The following SLC7A11 variants were observed in gnomAD, a reference collection of about 807,000 sequenced individuals.
SLC7A11 encodes the protein solute carrier family 7 member 11, also known as cystine/glutamate transporter.
In SLC7A11, 35 loss-of-function variants were observed where a neutral mutation model predicts 54.5. The observed-to-expected ratio is 0.64, with a 90% confidence interval of 0.49 to 0.85. The LOEUF (loss-of-function observed/expected upper bound fraction) is 0.85, where lower values mean the gene tolerates loss of function less well. SLC7A11 is among the 40% of genes least tolerant of loss of function. SLC7A11 has a pLI of 0.00. For synonymous variants in SLC7A11, 230 were observed against 225.2 expected (o/e 1.02, Z -0.19); for missense variants, 583 against 618.1 (o/e 0.94, Z 0.60).
At chr4:138,196,412 A>G (rs975963340) in intron 6 of SLC7A11, among the ~76,000 whole-genome samples, 1 of 152,180 alleles carries the variant, frequency 6.6e-6, no homozygotes, top group African/African-American at 2.4e-5. Context: ...AACACTTGGA[A>G]GGGAAAGGAG....
At chr4:138,194,211 C>G (rs1402914080) in intron 6 of SLC7A11, among the ~76,000 whole-genome samples, 1 of 152,104 alleles carries the variant, frequency 6.6e-6, no homozygotes, top group African/African-American at 2.4e-5. Context: ...CTGGTTGGAA[C>G]AGTTGACAGT....
chr4:138,198,076 T>C (rs1737183869), intron 6 of SLC7A11, among the ~76,000 whole-genome samples: 1 of 151,092 alleles, frequency 6.6e-6, no homozygotes, highest in Non-Finnish European at 1.5e-5. Context: ...AGAGCCTATA[T>C]TATATCAGGT....
intron 2 of SLC7A11, among the ~76,000 whole-genome samples, chr4:138,233,460 A>AC (rs1204586215): frequency 6.6e-6 from 1 of 152,148 alleles, no homozygotes; most frequent in Non-Finnish European, 1.5e-5. Context: ...CTGGGATTAC[A>AC]GGCGTGAGCC....
intron 6 of SLC7A11, among the ~76,000 whole-genome samples, chr4:138,198,005 A>G (rs530123264): frequency 1.3e-5 from 2 of 150,864 alleles, no homozygotes; most frequent in South Asian, 4.1e-4. Flanking sequence ...AGTATCATAA[A>G]CTAAGGAGTA....
At chr4:138,180,522 C>G in intron 10 of SLC7A11, 119 bp downstream of exon 10, 1 of 990,220 alleles carries the variant, frequency 1.0e-6, no homozygotes, top group Non-Finnish European at 1.5e-6. Context: ...AAGAGTTAAA[C>G]ATTTTTATTC....
At chr4:138,209,388 TA>T (rs1737486774) in intron 6 of SLC7A11, among the ~76,000 whole-genome samples, 3 of 152,016 alleles carry the variant, frequency 2.0e-5, no homozygotes, top group Admixed American at 2.0e-4. Context: ...TTCTCCCTTG[TA>T]ACTAAAGGTA....
rs182142177 is a variant in SLC7A11 at position 138,201,319 on chromosome 4, C to T, written c.791+13266G>A. Among the ~76,000 whole-genome samples the T allele has an allele frequency of 4.1e-3, 624 of 152,028 alleles. 6 individuals are homozygous for T. The highest frequency in any genetic ancestry group is 0.01 in the Admixed American group (156 of 15,228). ...GCATTCTCAATAATATGTATCAGTACGGGTTATTGTTTAAGCTTTTGTCAC... is the reference window on the plus strand; with the variant it reads ...GCATTCTCAATAATATGTATCAGTATGGGTTATTGTTTAAGCTTTTGTCAC... On this transcript the variant is annotated intron_variant, in intron 6 of 11. Coordinates refer to ENST00000280612, the MANE Select transcript of SLC7A11 (RefSeq NM_014331.4).
In SLC7A11 at chr4:138,232,286, G is replaced by A; in HGVS notation, c.501C>T (p.Leu167=). The change falls in exon 3 of 12, where the codon CTC becomes CTT. Residue 167 remains leucine (L), a synonymous_variant. Coordinates refer to ENST00000280612, the MANE Select transcript of SLC7A11 (RefSeq NM_014331.4). ...ACTCACTTATGCCCACAGCTGTAAT[G>A]AGCTTGATCGCAAGTTCAGGGATTT... The part of the protein sequence containing the change: ...QCEIPELAIK[L]ITAVGITVVM... 1 of 1,608,782 alleles carries A rather than the reference G, an allele frequency of 6.2e-7. No individual in the cohort carries two copies.
At chr4:138,173,348 T>G (rs543106123) in intron 11 of SLC7A11, among the ~76,000 whole-genome samples, 1 of 152,048 alleles carries the variant, frequency 6.6e-6, no homozygotes, top group Non-Finnish European at 1.5e-5. Flanking sequence ...AAGGTATTTT[T>G]TTCAGGCCGG....
intron 11 of SLC7A11, among the ~76,000 whole-genome samples, chr4:138,178,834 C>T (rs1736647225): frequency 6.6e-6 from 1 of 152,076 alleles, no homozygotes; most frequent in Non-Finnish European, 1.5e-5. Context: ...AACTCCCCAA[C>T]AAATCTCGTG....
At chr4:138,174,137 C>T (rs988277343) in intron 11 of SLC7A11, among the ~76,000 whole-genome samples, 1 of 152,162 alleles carries the variant, frequency 6.6e-6, no homozygotes, top group Non-Finnish European at 1.5e-5. Context: ...CATGACTGCC[C>T]TCCACACCCA....
intron 6 of SLC7A11, among the ~76,000 whole-genome samples, chr4:138,202,514 A>G (rs2148428799): frequency 6.6e-6 from 1 of 152,230 alleles, no homozygotes; most frequent in Non-Finnish European, 1.5e-5. Flanking sequence ...AAATGGCCAT[A>G]GCATCCCTTT....
rs566004104 is a variant in SLC7A11, at chr4:138,166,842, C to T, written c.*5114G>A. On this transcript the variant is annotated 3_prime_UTR_variant, in exon 12 of 12. Coordinates refer to ENST00000280612, the MANE Select transcript of SLC7A11 (RefSeq NM_014331.4). ...AAAATAAAACTAATGGGTAGATTCA[C>T]ACTAAGAAAATCTAGGTAATTATAT... is the stretch of plus-strand genomic sequence containing the variant. 6.6e-6 allele frequency: 1 copy of T among 152,218 alleles called. No homozygotes were observed. The highest frequency in any genetic ancestry group is 2.1e-4 in the South Asian group (1 of 4,818). The allele number at this position is 152,218 out of a possible 1,614,324, so 9.4% of individuals were successfully genotyped here. A position where few individuals can be genotyped will look rare whatever the true frequency, so the allele number is the denominator to read the frequency against.
At chr4:138,184,273 G>A (rs942272770) in intron 7 of SLC7A11, among the ~76,000 whole-genome samples, 1 of 152,132 alleles carries the variant, frequency 6.6e-6, no homozygotes, top group African/African-American at 2.4e-5. Context: ...CAAATGAAAT[G>A]AGATAATTTA....
At chr4:138,212,164 C>T (rs976739815) in intron 6 of SLC7A11, among the ~76,000 whole-genome samples, 2 of 151,614 alleles carry the variant, frequency 1.3e-5, no homozygotes, top group African/African-American at 4.8e-5. Context: ...ATCAAGAATG[C>T]ATAATAGAGA....
rs573535926 is a variant in SLC7A11, at chr4:138,170,946, C to T, written c.*1010G>A. 6 of 152,126 alleles carry T rather than the reference C, an allele frequency of 3.9e-5. 1 individual carries two copies. The South Asian group carries it at 6.2e-4, about 16-fold the overall frequency. The allele number at this position is 152,126 out of a possible 1,614,324, so 9.4% of individuals were successfully genotyped here. A position where few individuals can be genotyped will look rare whatever the true frequency, so the allele number is the denominator to read the frequency against. On this transcript the variant is annotated 3_prime_UTR_variant, in exon 12 of 12. Transcript: ENST00000280612. ...TGCACAAACTGTCAAAATTCATCAT[C>T]GTGTAAAAATAGCCATAAATTTAAA...
At chr4:138,206,712 G>T (rs1040558726) in intron 6 of SLC7A11, among the ~76,000 whole-genome samples, 1 of 151,836 alleles carries the variant, frequency 6.6e-6, no homozygotes, top group African/African-American at 2.4e-5. Flanking sequence ...TGGGCAAAAT[G>T]TATTTTTTAT....
At chr4:138,237,760 T>A (rs1163055807) in intron 1 of SLC7A11, among the ~76,000 whole-genome samples, 36 of 57,778 alleles carry the variant, frequency 6.2e-4, no homozygotes, top group African/African-American at 2.1e-3. Flanking sequence ...TTTTTTTTTT[T>A]TTTTTTTTGA....
At chr4:138,176,356 C>T (rs1736570651) in intron 11 of SLC7A11, 1 of 152,074 alleles carries the variant, frequency 6.6e-6, no homozygotes, top group Non-Finnish European at 1.5e-5. Context: ...ACCAAATAAC[C>T]ATTATGGGAC....
Sources: gnomAD v4.1 joint callset for allele counts (sites outside exome capture counted in the v4.1 genomes callset) on GRCh38, gnomAD v4.1.1 for gene constraint, MANE v1.5 for transcripts, NCBI Gene and HGNC (gene_info 2026-07-23, HGNC 2026-07-21) for gene names.